ARHGEF10L: variants seen among roughly 807,000 people sequenced by gnomAD.
ARHGEF10L encodes the protein rho guanine nucleotide exchange factor 10-like protein.
ARHGEF10L carries 69 observed loss-of-function variants against 141.2 expected under a neutral mutation model. The observed-to-expected ratio is 0.49, with a 90% CI of 0.40 to 0.60. The LOEUF (loss-of-function observed/expected upper bound fraction) is 0.60, where lower values mean the gene tolerates loss of function less well. ARHGEF10L is among the 20% of genes least tolerant of loss of function. ARHGEF10L has a pLI of 0.00. For synonymous variants in ARHGEF10L, 711 were observed against 718.5 expected (o/e 0.99, Z 0.17); for missense variants, 1,482 against 1,734.3 (o/e 0.85, Z 2.58).
intron 4 of ARHGEF10L, 131 bp from the exon 5 acceptor site, chr1:17,601,996 C>A: frequency 1.3e-6 from 1 of 760,792 alleles, no homozygotes; most frequent in Non-Finnish European, 2.1e-6. Flanking sequence ...CCAACTCCAC[C>A]TCAGGTCTCC....
chr1:17,683,297 C>A (rs2064282698), intron 26 of ARHGEF10L, among the ~76,000 whole-genome samples: 1 of 112,152 alleles, frequency 8.9e-6, no homozygotes, highest in Admixed American at 8.4e-5. Context: ...GTGCTCACTG[C>A]CCCCTGCTCT....
At chr1:17,521,121 C>T in the ARHGEF10L span, among the ~76,000 whole-genome samples, 3 of 152,198 alleles carry the variant, frequency 2.0e-5, no homozygotes, top group Non-Finnish European at 4.4e-5. Context: ...TCATCCAGGC[C>T]ATGAACCTCT....
At chr1:17,569,384 G>A (rs1236732720) in intron 1 of ARHGEF10L, among the ~76,000 whole-genome samples, 2 of 152,224 alleles carry the variant, frequency 1.3e-5, no homozygotes, top group African/African-American at 4.8e-5. Flanking sequence ...GGGCTGTGTG[G>A]CTGAGGGCCC....
At chr1:17,630,575 A>G (rs2060624557) in intron 15 of ARHGEF10L, among the ~76,000 whole-genome samples, 1 of 152,216 alleles carries the variant, frequency 6.6e-6, no homozygotes, top group Admixed American at 6.5e-5. Flanking sequence ...CTCCTGTCAC[A>G]CTGTGCACTA....
intron 26 of ARHGEF10L, among the ~76,000 whole-genome samples, chr1:17,675,197 G>A (rs935993555): frequency 6.6e-6 from 1 of 152,182 alleles, no homozygotes; most frequent in African/African-American, 2.4e-5. Context: ...ACACCGCCCA[G>A]CAGTCTTGGA....
chr1:17,696,211 T>TTA (rs1249173117), intron 28 of ARHGEF10L, among the ~76,000 whole-genome samples: 1 of 15,148 alleles, frequency 6.6e-5, no homozygotes, highest in Non-Finnish European at 1.9e-4. Context: ...AGACACCATC[T>TTA]CAAAAAAAAA....
intron 4 of ARHGEF10L, among the ~76,000 whole-genome samples, chr1:17,590,304 T>A (rs1489770630): frequency 6.6e-6 from 1 of 152,128 alleles, no homozygotes; most frequent in East Asian, 1.9e-4. Flanking sequence ...AGAGATGATC[T>A]CTGAGCTCTT....
At chr1:17,696,806 T>A (rs762710476) in intron 28 of ARHGEF10L, 42 bp from the exon 29 acceptor site, 15 of 1,506,196 alleles carry the variant, frequency 1.0e-5, no homozygotes, top group Non-Finnish European at 1.3e-5. Context: ...CTTAATGCGC[T>A]GGGCCTTTGG....
chr1:17,697,091 C>A lies in ARHGEF10L; in HGVS notation c.3551C>A (p.Pro1184Gln), dbSNP rs145021905. ...CGCCTGCGCTCCACCGCACACCTCC[C>A]GGGCCCGCTGCTCTCCATGCGGGAG... ...QYRLRSTAHL[P>Q]GPLLSMREPA... The change falls in exon 29 of 29, where the codon CCG becomes CAG. Residue 1184 changes from proline (P) to glutamine (Q), a missense_variant. This residue lies in a region of ARHGEF10L where 858 missense variants were observed against 966.3 expected (regional missense o/e 0.89). Coordinates refer to ENST00000361221, the MANE Select transcript of ARHGEF10L (RefSeq NM_018125.4). The surrounding 1 kb of genome is among the most constrained non-coding windows in gnomAD (Gnocchi z 4.8). 4.5e-5 allele frequency: 73 copies of A among 1,607,676 alleles called. No homozygotes were observed. In the African/African-American group the frequency reaches 7.1e-4, roughly 16 times the overall value.
At chr1:17,652,372 G>A (rs932584241) in intron 22 of ARHGEF10L, among the ~76,000 whole-genome samples, 5 of 152,152 alleles carry the variant, frequency 3.3e-5, no homozygotes, top group Non-Finnish European at 7.4e-5. Context: ...CACCTGCCTT[G>A]GATTGAGTCC....
intron 25 of ARHGEF10L, among the ~76,000 whole-genome samples, chr1:17,664,178 A>G (rs1390357635): frequency 6.6e-6 from 1 of 151,974 alleles, no homozygotes; most frequent in East Asian, 1.9e-4. Flanking sequence ...GGAAAGAGAG[A>G]GAGAGGCAGG....
At chr1:17,662,490 A>C (rs1410683638) in intron 25 of ARHGEF10L, among the ~76,000 whole-genome samples, 1 of 152,134 alleles carries the variant, frequency 6.6e-6, no homozygotes, top group Non-Finnish European at 1.5e-5. Context: ...CTTGGTGCTC[A>C]CGCTGGCTGG....
chr1:17,557,271 A>T (rs2077365978), intron 1 of ARHGEF10L, among the ~76,000 whole-genome samples: 1 of 149,060 alleles, frequency 6.7e-6, no homozygotes. Flanking sequence ...TGAACCCAGG[A>T]GGGGGAGGTT....
chr1:17,553,009 A>T (rs1224358512), intron 1 of ARHGEF10L, among the ~76,000 whole-genome samples: 1 of 152,174 alleles, frequency 6.6e-6, no homozygotes, highest in Admixed American at 6.5e-5. Context: ...GGGACACCCC[A>T]GTCCCTACAA....
At chr1:17,614,953 C>T (rs536929217) in intron 8 of ARHGEF10L, 1 of 152,406 alleles carries the variant, frequency 6.6e-6, no homozygotes, top group African/African-American at 2.4e-5. Context: ...AGACCAGAGA[C>T]AACCCCACCC....
In ARHGEF10L at chr1:17,656,902, AG is replaced by A. The variant is rs1286762057; in HGVS notation, c.2860+197del. ...CCCATATGTGAATACCTGCTGGAAT[AG>A]GGTGCTCACTACCATGTGGGCAGTG... On this transcript the variant is annotated intron_variant, in intron 25 of 28. Coordinates refer to ENST00000361221, the MANE Select transcript of ARHGEF10L (RefSeq NM_018125.4). The surrounding 1 kb of genome is among the most constrained non-coding windows in gnomAD (Gnocchi z 4.9). 1.3e-5 allele frequency among the ~76,000 whole-genome samples: 2 copies of A among 152,178 alleles called. No individual in the cohort carries two copies. Among genetic ancestry groups the A allele is most frequent in the Admixed American group, 6.5e-5 (1 of 15,288 alleles).
At chr1:17,626,369 G>A (rs1489836739) in intron 14 of ARHGEF10L, among the ~76,000 whole-genome samples, 1 of 152,096 alleles carries the variant, frequency 6.6e-6, no homozygotes, top group African/African-American at 2.4e-5. Context: ...CAGTAAACAT[G>A]CTGAGCTTGG....
chr1:17,624,395 G>C lies in ARHGEF10L; in HGVS notation c.1209G>C (p.Lys403Asn). Residue 403 changes from lysine to asparagine, a missense_variant, in exon 13 of 29, where the codon AAG becomes AAC. Lys to Asn is a moderately conservative substitution (Grantham distance 94). Transcript: ENST00000361221. ...CACCTGCCTTGTTTCAGTTTTCCAA[G>C]TCCATGGTGCTAGATGTGTACAGTG... ...IGDLFVASFSKSMVLDVYSDY... is the reference protein window; with the variant it reads ...IGDLFVASFSNSMVLDVYSDY... 1 of 1,613,958 alleles carries C rather than the reference G, an allele frequency of 6.2e-7. No homozygotes were observed. The highest frequency in any genetic ancestry group is 1.1e-5 in the South Asian group (1 of 91,076).
At chr1:17,638,824 G>A in intron 20 of ARHGEF10L, 135 bp downstream of exon 20, 3 of 1,334,580 alleles carry the variant, frequency 2.2e-6, no homozygotes, top group South Asian at 1.5e-5. Flanking sequence ...TAGGCATCGT[G>A]GGCCATGTCT....
Sources: gnomAD v4.1 joint callset for allele counts (sites outside exome capture counted in the v4.1 genomes callset) on GRCh38, gnomAD v4.1.1 for gene constraint, gnomAD v4.1.1 regional missense constraint, Gnocchi (gnomAD v3.1) non-coding constraint, MANE v1.5 for transcripts, NCBI Gene and HGNC (gene_info 2026-07-23, HGNC 2026-07-21) for gene names.